The following LRP1 variants were observed in gnomAD, a reference collection of about 807,000 sequenced individuals.
LRP1 encodes prolow-density lipoprotein receptor-related protein 1.
A neutral mutation model predicts 541.5 loss-of-function variants in LRP1; 51 were observed. The observed-to-expected ratio is 0.09, with a 90% CI of 0.08 to 0.12. The LOEUF is 0.12. Among genes scored for constraint, LRP1 ranks in the 10% least tolerant of loss-of-function variants. The pLI is 1.00. For missense variants in LRP1, 3,878 were observed against 6,376.2 expected (o/e 0.61, Z 13.34); for synonymous variants, 2,219 against 2,470.8 (o/e 0.90, Z 3.02).
chr12:57,130,105 T>G (rs2035007944), intron 1 of LRP1, among the ~76,000 whole-genome samples: 1 of 152,128 alleles, frequency 6.6e-6, no homozygotes, highest in African/African-American at 2.4e-5. Context: ...TTGCCCAAGC[T>G]TTAAGCATTA....
rs2036198768 is a variant in LRP1, at chr12:57,183,103, G to A, written c.5663-276G>A. On this transcript the variant is annotated intron_variant, in intron 34 of 88. Transcript: ENST00000243077. This position sits in a 1 kb window ranked among gnomAD's most constrained non-coding sequence, Gnocchi z 6.1. ...GCAGGGTTGGGTTGTGCTGGGTGGA[G>A]GCCGGCAGAGCACAGGGTGAGAAAT... Among the ~76,000 whole-genome samples the A allele has an allele frequency of 6.6e-6, 1 of 152,158 alleles. No individual in the cohort carries two copies. Among genetic ancestry groups the A allele is most frequent in the Non-Finnish European group, 1.5e-5 (1 of 68,024 alleles).
chr12:57,199,768 A>G, intron 61 of LRP1, 109 bp from the exon 62 acceptor site: 1 of 1,333,588 alleles, frequency 7.5e-7, no homozygotes, highest in Non-Finnish European at 1.0e-6. Context: ...GCTCCCTCCT[A>G]AAAGAGGCAG....
chr12:57,145,738 T>C (rs970122629), intron 6 of LRP1, among the ~76,000 whole-genome samples: 2 of 152,160 alleles, frequency 1.3e-5, no homozygotes, highest in African/African-American at 4.8e-5. Context: ...GGGCAGTGAA[T>C]GGTCAATCTC....
chr12:57,159,741 G>A, intron 11 of LRP1, 84 bp from the exon 12 acceptor site: 2 of 1,408,242 alleles, frequency 1.4e-6, no homozygotes, highest in South Asian at 2.5e-5. Flanking sequence ...CTGCTCAAAG[G>A]TACCTGAGTC....
Position 57,212,427 on chromosome 12 carries a change from A to G in LRP1, c.13507A>G (p.Thr4503Ala), listed in dbSNP as rs1216796037. The G allele has an allele frequency of 6.2e-7, 1 of 1,613,924 alleles. No homozygotes were observed. The highest frequency in any genetic ancestry group is 8.5e-7 in the Non-Finnish European group (1 of 1,180,014). ...ALDPDKPTNF[T>A]NPVYATLYMG... ...TGTCACCCTGCAGCCCACCAACTTC[A>G]CCAACCCCGTGTATGCCACACTCTA... Residue 4503 changes from threonine (T) to alanine (A), a missense_variant, in exon 89 of 89, where the codon ACC (threonine) becomes GCC (alanine). Thr to Ala is a moderately conservative substitution (Grantham distance 58). Transcript: ENST00000243077. This position sits in a 1 kb window ranked among gnomAD's most constrained non-coding sequence, Gnocchi z 5.0.
rs1174625264 is a variant in LRP1 at position 57,193,162 on chromosome 12, A to G, written c.7556-14A>G. ...AGCGCTGGCTCAGAAAGCTCCCTCC[A>G]CCTCCCTCCCCAGCGGTGAATTCCT... On this transcript the variant is annotated splice_polypyrimidine_tract_variant and intron_variant, in intron 45 of 88. Transcript: ENST00000243077. The G allele has an allele frequency of 6.2e-7, 1 of 1,612,862 alleles. No individual in the cohort carries two copies.
rs374263948 is a variant in LRP1 at position 57,212,569 on chromosome 12, C to T, written c.*14C>T. Reference sequence around the variant, plus strand: ...CCCTTGGCATAGGGCCCTGCCCCGTCGGACTGCCCCCAGAAAGCCTCCTGC... The same window carrying T: ...CCCTTGGCATAGGGCCCTGCCCCGTTGGACTGCCCCCAGAAAGCCTCCTGC... On this transcript the variant is annotated 3_prime_UTR_variant, in exon 89 of 89. Transcript: ENST00000243077. The surrounding 1 kb of genome is among the most constrained non-coding windows in gnomAD (Gnocchi z 5.0). 6.4e-6 allele frequency: 10 copies of T among 1,563,754 alleles called. No homozygotes were observed. Among genetic ancestry groups the T allele is most frequent in the East Asian group, 4.5e-5 (2 of 44,334 alleles).
intron 8 of LRP1, chr12:57,155,452 A>G (rs538564592): frequency 7.1e-5 from 11 of 154,782 alleles, no homozygotes; most frequent in African/African-American, 2.6e-4. Flanking sequence ...AGAGTGGGTG[A>G]GATAAGTCCA....
intron 44 of LRP1, among the ~76,000 whole-genome samples, chr12:57,192,095 A>C (rs545478469): frequency 2.4e-5 from 1 of 41,572 alleles, no homozygotes; most frequent in African/African-American, 6.1e-5. Flanking sequence ...TACCACAAAC[A>C]TGCCACACAC....
At chr12:57,143,453 A>T (rs888380476) in intron 3 of LRP1, among the ~76,000 whole-genome samples, 1 of 152,234 alleles carries the variant, frequency 6.6e-6, no homozygotes, top group Non-Finnish European at 1.5e-5. Context: ...TGTGGGTTCT[A>T]AGCCATCACT....
chr12:57,138,738 C>A (rs2035226110), intron 2 of LRP1, among the ~76,000 whole-genome samples, 157 bp downstream of exon 2: 1 of 152,186 alleles, frequency 6.6e-6, no homozygotes, highest in Non-Finnish European at 1.5e-5. Context: ...CCTTTACACC[C>A]CTTCAAAATG....
intron 50 of LRP1, 64 bp downstream of exon 50, chr12:57,194,763 C>T (rs2036492392): frequency 6.6e-7 from 1 of 1,509,878 alleles, no homozygotes; most frequent in East Asian, 2.3e-5. Flanking sequence ...CTTAGTCCCC[C>T]CCAGCAAATG....
In LRP1 at chr12:57,189,595, C is replaced by T. The variant is rs1420140041; in HGVS notation, c.7032-1210C>T. On this transcript the variant is annotated intron_variant, in intron 42 of 88. Transcript: ENST00000243077. The surrounding 1 kb of genome is among the most constrained non-coding windows in gnomAD (Gnocchi z 4.4). ...CGGGATAGTTCAATGGTGCTGGAGA[C>T]GCTGGGGGTGGGCAAGAAGGGTGTG... 3.3e-5 allele frequency among the ~76,000 whole-genome samples: 5 copies of T among 151,916 alleles called. No homozygotes were observed. Among genetic ancestry groups the T allele is most frequent in the Non-Finnish European group, 5.9e-5 (4 of 67,996 alleles).
At position 57,198,349 on chromosome 12, in the gene LRP1, T is replaced by C; in HGVS notation, c.9470+6T>C. 1 of 1,611,356 alleles carries C rather than the reference T, an allele frequency of 6.2e-7. No homozygotes were observed. The highest frequency in any genetic ancestry group is 8.5e-7 in the Non-Finnish European group (1 of 1,178,056). On this transcript the variant is annotated splice_donor_region_variant and intron_variant, in intron 59 of 88. Coordinates refer to ENST00000243077, the MANE Select transcript of LRP1 (RefSeq NM_002332.3). ...GTGGTGGATGTGCAGAATGGGTATG[T>C]GGCTGAGGAGGGTTGGGGGAGCCCC... is the stretch of plus-strand genomic sequence containing the variant.
Position 57,205,647 on chromosome 12 carries a change from A to G in LRP1, c.11560A>G (p.Met3854Val). ...GHLCSCARNF[M>V]KTHNTCKAEG... is the part of the protein sequence containing the mutation. ...CCTCTGCAGCTGCGCTCGGAACTTC[A>G]TGAAGACGCACAACACCTGCAAGGC... Residue 3854 changes from methionine (M) to valine (V), a missense_variant, in exon 75 of 89, where the codon ATG becomes GTG. Met to Val is a conservative substitution (Grantham distance 21). This residue lies in a region of LRP1 where 871 missense variants were observed against 1,212.4 expected (regional missense o/e 0.72). Coordinates refer to ENST00000243077, the MANE Select transcript of LRP1 (RefSeq NM_002332.3). This position sits in a 1 kb window ranked among gnomAD's most constrained non-coding sequence, Gnocchi z 4.6. The G allele has an allele frequency of 6.2e-7, 1 of 1,612,924 alleles. No individual in the cohort carries two copies. Among genetic ancestry groups the G allele is most frequent in the Non-Finnish European group, 8.5e-7 (1 of 1,180,016 alleles).
chr12:57,166,378 G>T, intron 17 of LRP1, 169 bp downstream of exon 17: 1 of 834,920 alleles, frequency 1.2e-6, no homozygotes, highest in East Asian at 2.8e-5. Flanking sequence ...AACATAGTGA[G>T]ACCTCCCACT....
rs372006592 is a variant in LRP1 at position 57,156,053 on chromosome 12, C to A, written c.1228-41C>A. On this transcript the variant is annotated intron_variant, in intron 8 of 88. Transcript: ENST00000243077. This position sits in a 1 kb window ranked among gnomAD's most constrained non-coding sequence, Gnocchi z 5.2. ...GATCTCCAGGACAGAGGGAGGAACC[C>A]CTGTCATCTCATGCTGTCCATTCTT... The A allele has an allele frequency of 6.4e-7, 1 of 1,553,152 alleles. No individual in the cohort carries two copies.
Position 57,202,543 on chromosome 12 carries a change from T to TGGGCG in LRP1, c.10711+6_10711+7insGGGCG. On this transcript the variant is annotated splice_region_variant and intron_variant, in intron 68 of 88. Coordinates refer to ENST00000243077, the MANE Select transcript of LRP1 (RefSeq NM_002332.3). ...CTCCGATGAAGAGAGCTGCAGTACG[T>TGGGCG]CCCCACCCACCCAGCCCCGCATGAG... is the stretch of plus-strand genomic sequence containing the variant. The TGGGCG allele has an allele frequency of 1.1e-5, 16 of 1,523,570 alleles. No homozygotes were observed. Among genetic ancestry groups the TGGGCG allele is most frequent in the African/African-American group, 1.4e-5 (1 of 71,846 alleles). 94.4% of individuals were successfully genotyped at this position (1,523,570 alleles called of 1,614,324 possible). A position where few individuals can be genotyped will look rare whatever the true frequency, so the allele number is the denominator to read the frequency against.
At position 57,206,715 on chromosome 12, in the gene LRP1, A is replaced by G; in HGVS notation, c.11833A>G (p.Ile3945Val). ...PTTSNRHRRQIDRGVTHLNIS... is the reference protein window; with the variant it reads ...PTTSNRHRRQVDRGVTHLNIS... ...CACTTCCAACCGCCACCGGCGACAG[A>G]TTGACCGGGGTGTCACCCACCTCAA... Residue 3945 changes from isoleucine to valine, a missense_variant, in exon 76 of 89, where the codon ATT becomes GTT. Ile to Val is a conservative substitution (Grantham distance 29). Around this residue, in one of 13 missense-constraint regions of LRP1, gnomAD observed 871 missense variants for 1,212.4 expected, o/e 0.72. Transcript: ENST00000243077. This position sits in a 1 kb window ranked among gnomAD's most constrained non-coding sequence, Gnocchi z 4.7. The G allele has an allele frequency of 3.7e-6, 6 of 1,612,972 alleles. No individual in the cohort carries two copies. The highest frequency in any genetic ancestry group is 5.1e-6 in the Non-Finnish European group (6 of 1,180,010).
Sources: allele counts gnomAD v4.1 joint callset (sites outside exome capture counted in the v4.1 genomes callset), GRCh38; gene constraint gnomAD v4.1.1; regional missense constraint gnomAD v4.1.1; non-coding constraint Gnocchi (gnomAD v3.1); transcripts MANE v1.5; gene names NCBI Gene and HGNC (gene_info 2026-07-23, HGNC 2026-07-21).